The following MEGF9 variants were observed in gnomAD, a reference collection of about 807,000 sequenced individuals.
The protein encoded by MEGF9 is multiple EGF like domains 9.
A neutral mutation model predicts 46.8 loss-of-function variants in MEGF9; 6 were observed. The ratio of observed to expected loss-of-function variants is 0.13; its 90% confidence interval spans 0.07 to 0.25. The LOEUF (loss-of-function observed/expected upper bound fraction) is 0.25, where lower values mean the gene tolerates loss of function less well. MEGF9 is among the 10% of genes least tolerant of loss of function. The pLI is 1.00. For missense variants in MEGF9, 683 were observed against 792.4 expected (o/e 0.86, Z 1.66); for synonymous variants, 302 against 330.7 (o/e 0.91, Z 0.94).
intron 1 of MEGF9, among the ~76,000 whole-genome samples, chr9:120,673,398 C>T (rs2043758743): frequency 6.6e-6 from 1 of 151,820 alleles, no homozygotes; most frequent in Non-Finnish European, 1.5e-5. Flanking sequence ...GGAGGACTCA[C>T]AATAATTGAT....
intron 3 of MEGF9, among the ~76,000 whole-genome samples, chr9:120,614,486 T>G (rs1213679906): frequency 6.6e-6 from 1 of 152,224 alleles, no homozygotes; most frequent in Non-Finnish European, 1.5e-5. Context: ...GTAGTATATA[T>G]TCATGCTGTG....
At chr9:120,703,287 A>C (rs1324480248) in intron 1 of MEGF9, among the ~76,000 whole-genome samples, 1 of 152,228 alleles carries the variant, frequency 6.6e-6, no homozygotes, top group Non-Finnish European at 1.5e-5. Flanking sequence ...TCACTAATTC[A>C]ATCACTAAAT....
intron 2 of MEGF9, among the ~76,000 whole-genome samples, chr9:120,652,209 G>A (rs1266576069): frequency 3.9e-5 from 4 of 101,278 alleles, no homozygotes; most frequent in Admixed American, 1.0e-4. Flanking sequence ...AAACAGGTCA[G>A]GCATGGTGGC....
intron 2 of MEGF9, among the ~76,000 whole-genome samples, chr9:120,634,166 C>T (rs2043562321): frequency 1.3e-5 from 2 of 152,204 alleles, no homozygotes; most frequent in South Asian, 4.1e-4. Context: ...GATGATATGT[C>T]CAATGTTGAG....
intron 2 of MEGF9, among the ~76,000 whole-genome samples, chr9:120,657,799 A>C (rs2043684232): frequency 1.3e-5 from 2 of 152,174 alleles, no homozygotes; most frequent in Admixed American, 1.3e-4. Flanking sequence ...TAGTGAAGAC[A>C]CTGGACTTGG....
At chr9:120,660,278 G>T (rs1163149426) in intron 1 of MEGF9, among the ~76,000 whole-genome samples, 1 of 152,102 alleles carries the variant, frequency 6.6e-6, no homozygotes, top group Non-Finnish European at 1.5e-5. Context: ...GTACATAGGT[G>T]TATAAGGTGT....
intron 1 of MEGF9, among the ~76,000 whole-genome samples, chr9:120,696,579 T>A (rs2043878211): frequency 1.3e-5 from 2 of 152,226 alleles, no homozygotes; most frequent in African/African-American, 4.8e-5. Context: ...GCTTTATTAA[T>A]AATGATAATG....
At chr9:120,713,626 A>AT in intron 1 of MEGF9, 132 bp downstream of exon 1, 2 of 1,193,518 alleles carry the variant, frequency 1.7e-6, no homozygotes, top group East Asian at 3.2e-5. Flanking sequence ...TGGACCTGGG[A>AT]TCCCCCCTCG....
intron 1 of MEGF9, among the ~76,000 whole-genome samples, chr9:120,670,707 A>T (rs1400963659): frequency 6.6e-6 from 1 of 151,878 alleles, no homozygotes; most frequent in East Asian, 1.9e-4. Context: ...CTCCAGTTTC[A>T]GGCTAGCCAG....
At chr9:120,608,736 C>T (rs948417271) in intron 4 of MEGF9, among the ~76,000 whole-genome samples, 5 of 152,178 alleles carry the variant, frequency 3.3e-5, no homozygotes, top group Non-Finnish European at 5.9e-5. Context: ...TGTCTTCCTC[C>T]AATGTTCCCT....
At chr9:120,654,244 T>TA (rs1464144214) in intron 2 of MEGF9, among the ~76,000 whole-genome samples, 1 of 152,004 alleles carries the variant, frequency 6.6e-6, no homozygotes, top group African/African-American at 2.4e-5. Flanking sequence ...GAGGATAATA[T>TA]AAAACCATGT....
intron 3 of MEGF9, among the ~76,000 whole-genome samples, chr9:120,614,563 C>T (rs990748294): frequency 1.3e-5 from 2 of 151,922 alleles, no homozygotes; most frequent in Non-Finnish European, 2.9e-5. Flanking sequence ...AGCTATGTAT[C>T]TTTGTGACAA....
intron 1 of MEGF9, among the ~76,000 whole-genome samples, chr9:120,667,816 A>T (rs529341943): frequency 6.6e-6 from 1 of 152,354 alleles, no homozygotes; most frequent in South Asian, 2.1e-4. Flanking sequence ...ACCGGAGGTC[A>T]GGAGTTCAAG....
intron 2 of MEGF9, among the ~76,000 whole-genome samples, chr9:120,638,353 T>A (rs1184265582): frequency 6.6e-6 from 1 of 152,254 alleles, no homozygotes; most frequent in Non-Finnish European, 1.5e-5. Flanking sequence ...TAACTTGTAG[T>A]GCCTATAATT....
intron 4 of MEGF9, 23 bp from the exon 5 acceptor site, chr9:120,608,033 A>G (rs775278882): frequency 6.2e-7 from 1 of 1,610,248 alleles, no homozygotes; most frequent in Non-Finnish European, 8.5e-7. Context: ...ATGCCAAAAT[A>G]GTTTAGTACA....
intron 1 of MEGF9, among the ~76,000 whole-genome samples, chr9:120,666,309 C>A (rs915766440): frequency 6.6e-6 from 1 of 152,064 alleles, no homozygotes; most frequent in East Asian, 1.9e-4. Context: ...AAAGATATAT[C>A]ATAGTTTTAG....
chr9:120,678,696 A>T (rs779832562), intron 1 of MEGF9, among the ~76,000 whole-genome samples: 1 of 151,876 alleles, frequency 6.6e-6, no homozygotes, highest in Non-Finnish European at 1.5e-5. Context: ...CTGGTCTCGA[A>T]CTCCTGGCCT....
intron 5 of MEGF9, 73 bp downstream of exon 5, chr9:120,607,668 G>A: frequency 6.6e-7 from 1 of 1,516,152 alleles, no homozygotes; most frequent in South Asian, 1.2e-5. Flanking sequence ...GGGTTAGAAG[G>A]TTTTACAAAG....
intron 1 of MEGF9, among the ~76,000 whole-genome samples, chr9:120,665,487 G>C (rs1353990100): frequency 6.6e-6 from 1 of 152,156 alleles, no homozygotes. Flanking sequence ...ACAGGGGTGA[G>C]CCACCACGCC....
Sources: allele counts gnomAD v4.1 joint callset (sites outside exome capture counted in the v4.1 genomes callset), GRCh38; gene constraint gnomAD v4.1.1; transcripts MANE v1.5; gene names NCBI Gene and HGNC (gene_info 2026-07-23, HGNC 2026-07-21).